The following MYO3B variants were observed in gnomAD, a reference collection of about 807,000 sequenced individuals.
The protein encoded by MYO3B is myosin-IIIb.
Under a neutral mutation model 174.6 loss-of-function variants are expected in MYO3B, and 156 were observed. That is an observed-to-expected ratio of 0.89 (90% CI 0.78 to 1.02). The LOEUF (loss-of-function observed/expected upper bound fraction) is 1.02. MYO3B is among the 50% of genes least tolerant of loss of function. The pLI is 0.00. For synonymous variants in MYO3B, 563 were observed against 569.1 expected, an observed-to-expected ratio of 0.99 and a Z score of 0.15; for missense variants, 1,632 against 1,639.4, an observed-to-expected ratio of 1.00 and a Z score of 0.08.
At chr2:170,285,279 T>C (rs1323594904) in intron 7 of MYO3B, among the ~76,000 whole-genome samples, 1 of 152,202 alleles carries the variant, frequency 6.6e-6, no homozygotes, top group African/African-American at 2.4e-5. Flanking sequence ...AGGGTTTTTT[T>C]TGTCTTTATT....
At chr2:170,308,940 T>C (rs1021721682) in intron 7 of MYO3B, among the ~76,000 whole-genome samples, 1 of 152,142 alleles carries the variant, frequency 6.6e-6, no homozygotes, top group Admixed American at 6.5e-5. Context: ...TAGAGGGGCC[T>C]GGGGTTAGAC....
chr2:170,627,929 A>G (rs1696600794), intron 32 of MYO3B, among the ~76,000 whole-genome samples: 1 of 152,086 alleles, frequency 6.6e-6, no homozygotes, highest in South Asian at 2.1e-4. Context: ...TCAGAGGGGT[A>G]CCTCGCCATG....
At chr2:170,272,596 A>G (rs1191318927) in intron 7 of MYO3B, among the ~76,000 whole-genome samples, 1 of 152,172 alleles carries the variant, frequency 6.6e-6, no homozygotes, top group Non-Finnish European at 1.5e-5. Flanking sequence ...GGGAGTGGTA[A>G]CTACCATGGT....
intron 30 of MYO3B, chr2:170,524,575 C>T: frequency 2.4e-6 from 1 of 422,930 alleles, no homozygotes; most frequent in South Asian, 1.7e-5. Context: ...CCTCCGCCCT[C>T]TGGGTTCAAG....
intron 23 of MYO3B, among the ~76,000 whole-genome samples, chr2:170,462,052 G>A (rs1684325181): frequency 6.6e-6 from 1 of 152,216 alleles, no homozygotes; most frequent in South Asian, 2.1e-4. Flanking sequence ...TGACAGCGGA[G>A]AGAGTATAAC....
At chr2:170,540,102 G>C (rs139957159) in intron 30 of MYO3B, among the ~76,000 whole-genome samples, 1 of 152,052 alleles carries the variant, frequency 6.6e-6, no homozygotes, top group Non-Finnish European at 1.5e-5. Context: ...CAGGAGGATC[G>C]CTTGAGGCCA....
At chr2:170,279,318 A>G (rs2093487866) in intron 7 of MYO3B, among the ~76,000 whole-genome samples, 1 of 152,072 alleles carries the variant, frequency 6.6e-6, no homozygotes, top group African/African-American at 2.4e-5. Context: ...CTTTTTGATA[A>G]TAGCTATTCT....
chr2:170,279,188 G>A (rs1036754892), intron 7 of MYO3B, among the ~76,000 whole-genome samples: 1 of 151,962 alleles, frequency 6.6e-6, no homozygotes, highest in Non-Finnish European at 1.5e-5. Flanking sequence ...CTATTTTTAG[G>A]TTTTCTGAGA....
chr2:170,351,379 T>C (rs866386247), intron 8 of MYO3B, among the ~76,000 whole-genome samples: 3 of 152,264 alleles, frequency 2.0e-5, no homozygotes, highest in Middle Eastern at 6.8e-3. Context: ...CTTCCACATA[T>C]TCTCCATCGT....
chr2:170,596,293 A>G (rs1029344897), intron 32 of MYO3B, among the ~76,000 whole-genome samples: 2 of 152,134 alleles, frequency 1.3e-5, no homozygotes, highest in Non-Finnish European at 2.9e-5. Context: ...TCTGAGGGGC[A>G]CCCCTACCTG....
intron 14 of MYO3B, among the ~76,000 whole-genome samples, chr2:170,390,273 A>G (rs2094403101): frequency 6.6e-6 from 1 of 151,998 alleles, no homozygotes; most frequent in Non-Finnish European, 1.5e-5. Context: ...TACAAACACA[A>G]AAACCTTAGT....
At chr2:170,372,725 C>G (rs1162568028) in intron 9 of MYO3B, among the ~76,000 whole-genome samples, 1 of 152,118 alleles carries the variant, frequency 6.6e-6, no homozygotes, top group Non-Finnish European at 1.5e-5. Context: ...GTAAAGACAC[C>G]TAAGTCAGTC....
At chr2:170,254,366 T>G (rs1265994022) in intron 7 of MYO3B, among the ~76,000 whole-genome samples, 2 of 152,044 alleles carry the variant, frequency 1.3e-5, no homozygotes, top group African/African-American at 4.8e-5. Flanking sequence ...CATCTTACTC[T>G]GAATGACCAC....
At chr2:170,603,797 C>T (rs970902465) in intron 32 of MYO3B, among the ~76,000 whole-genome samples, 13 of 152,164 alleles carry the variant, frequency 8.5e-5, no homozygotes, top group Admixed American at 4.6e-4. Flanking sequence ...AAATGGAATA[C>T]TATGGAACCA....
intron 7 of MYO3B, among the ~76,000 whole-genome samples, chr2:170,313,543 A>G (rs999344901): frequency 4.6e-5 from 7 of 152,132 alleles, no homozygotes; most frequent in African/African-American, 1.7e-4. Flanking sequence ...GCACTTGAAC[A>G]CTCAAAATGT....
intron 23 of MYO3B, among the ~76,000 whole-genome samples, chr2:170,445,885 G>T (rs1360675163): frequency 6.6e-6 from 1 of 152,114 alleles, no homozygotes; most frequent in African/African-American, 2.4e-5. Flanking sequence ...TGATCCTTCT[G>T]CCTTGGCCTC....
chr2:170,333,983 AG>A (rs1221173345), intron 7 of MYO3B: 1 of 152,356 alleles, frequency 6.6e-6, no homozygotes, highest in African/African-American at 2.4e-5. Context: ...AGGGGGAAGC[AG>A]ACTAGAGCTG....
intron 23 of MYO3B, among the ~76,000 whole-genome samples, chr2:170,457,639 A>G (rs1440795423): frequency 6.6e-6 from 1 of 152,200 alleles, no homozygotes; most frequent in Non-Finnish European, 1.5e-5. Flanking sequence ...ATCATCTCCT[A>G]TGATAACAAT....
chr2:170,635,493 T>G (rs566867574), intron 32 of MYO3B, among the ~76,000 whole-genome samples: 9 of 152,220 alleles, frequency 5.9e-5, no homozygotes, highest in African/African-American at 1.4e-4. Flanking sequence ...AGGGATAGCA[T>G]TAGGAGATAT....
Sources: gnomAD v4.1 joint callset for allele counts (sites outside exome capture counted in the v4.1 genomes callset) on GRCh38, gnomAD v4.1.1 for gene constraint, MANE v1.5 for transcripts, NCBI Gene and HGNC (gene_info 2026-07-23, HGNC 2026-07-21) for gene names.